The following EIF4G3 variants were observed in gnomAD, a reference collection of about 807,000 sequenced individuals.
The protein encoded by EIF4G3 is eukaryotic translation initiation factor 4 gamma 3, also known as eIF-4-gamma 3.
Under a neutral mutation model 186.4 loss-of-function variants are expected in EIF4G3, and 34 were observed. That is an observed-to-expected ratio of 0.18 (90% CI 0.14 to 0.24). The LOEUF (loss-of-function observed/expected upper bound fraction) is 0.24. EIF4G3 is among the 10% of genes least tolerant of loss of function. The probability of loss-of-function intolerance (pLI) is 1.00; values close to 1 mark genes in which losing one functional copy is unlikely to be tolerated. For missense variants in EIF4G3, 1,536 were observed against 1,948.5 expected, an observed-to-expected ratio of 0.79 and a Z score of 3.99; for synonymous variants, 673 against 679.5, an observed-to-expected ratio of 0.99 and a Z score of 0.15.
At position 20,851,353 on chromosome 1, in the gene EIF4G3, C is replaced by T. The variant is rs541460610; in HGVS notation, c.3677G>A (p.Arg1226Gln). Residue 1226 changes from arginine (R) to glutamine (Q), a missense_variant, in exon 28 of 37, where the codon CGG becomes CAG. By Grantham distance (43) the Arg-to-Gln change is conservative. Around this residue, in one of 11 missense-constraint regions of EIF4G3, gnomAD observed 395 missense variants for 498.9 expected, o/e 0.79. Coordinates refer to ENST00000602326, the MANE Select transcript of EIF4G3 (RefSeq NM_001391906.1). ...CTTCACGGTCTCCAGCATCTCTCTC[C>T]GCTGCTCTTCTTGAGACTGATTGTC... ...LLDNQSQEEQ[R>Q]REMLETVKQL... 1.7e-5 allele frequency: 27 copies of T among 1,614,124 alleles called. No individual in the cohort carries two copies. The highest frequency in any genetic ancestry group is 6.7e-5 in the African/African-American group (5 of 75,012).
intron 4 of EIF4G3, among the ~76,000 whole-genome samples, chr1:21,037,142 G>A (rs1189324012): frequency 1.3e-5 from 2 of 151,910 alleles, no homozygotes; most frequent in Non-Finnish European, 2.9e-5. Flanking sequence ...AGGTCTCTAA[G>A]GGTGGCTTAG....
In EIF4G3 at chr1:20,933,453, G is replaced by A. The variant is rs1055251272; in HGVS notation, c.1663+8038C>T. ...GGGTGGATCACAAGGTCAGGAGTTT[G>A]AGATCAGCCTGACAAACATGGTGAA... On this transcript the variant is annotated intron_variant, in intron 14 of 36. Transcript: ENST00000602326. 4.6e-5 allele frequency among the ~76,000 whole-genome samples: 7 copies of A among 152,104 alleles called. No individual in the cohort carries two copies. The East Asian group carries it at 1.2e-3, about 25-fold the overall frequency.
chr1:20,864,417 AGT>A (rs1423294772), intron 22 of EIF4G3, 57 bp downstream of exon 22: 9 of 1,234,038 alleles, frequency 7.3e-6, no homozygotes, highest in Non-Finnish European at 1.1e-5. Context: ...TGACAGTCTA[AGT>A]TCTTTTGCAA....
At chr1:21,028,705 C>T (rs1571303757) in intron 4 of EIF4G3, among the ~76,000 whole-genome samples, 1 of 152,210 alleles carries the variant, frequency 6.6e-6, no homozygotes, top group Non-Finnish European at 1.5e-5. Context: ...ACTCATGATA[C>T]ATAACTTCAC....
At chr1:20,830,686 T>G (rs892351676) in intron 30 of EIF4G3, among the ~76,000 whole-genome samples, 1 of 152,164 alleles carries the variant, frequency 6.6e-6, no homozygotes, top group Non-Finnish European at 1.5e-5. Context: ...ATATTTTATC[T>G]CATTACAAAT....
intron 4 of EIF4G3, among the ~76,000 whole-genome samples, chr1:21,007,846 T>C (rs866113882): frequency 1.2e-4 from 19 of 152,208 alleles, no homozygotes; most frequent in African/African-American, 4.6e-4. Context: ...GAGACGGTTA[T>C]AAAGAGTGTA....
At chr1:20,947,032 A>C (rs1421735998) in intron 13 of EIF4G3, among the ~76,000 whole-genome samples, 1 of 152,186 alleles carries the variant, frequency 6.6e-6, no homozygotes, top group Admixed American at 6.5e-5. Flanking sequence ...TTTCAAAAGG[A>C]ATCTACAGTG....
At chr1:20,959,673 T>C (rs1002874930) in intron 12 of EIF4G3, among the ~76,000 whole-genome samples, 31 of 138,550 alleles carry the variant, frequency 2.2e-4, no homozygotes, top group Admixed American at 1.5e-3. Context: ...ATAATAATAA[T>C]AATAATAATA....
chr1:20,998,607 A>G (rs1376523941), intron 6 of EIF4G3, among the ~76,000 whole-genome samples: 1 of 152,176 alleles, frequency 6.6e-6, no homozygotes, highest in African/African-American at 2.4e-5. Flanking sequence ...GGATCAAACA[A>G]TTCACCAGGC....
At chr1:20,822,020 G>T (rs560149068) in intron 33 of EIF4G3, among the ~76,000 whole-genome samples, 1 of 152,108 alleles carries the variant, frequency 6.6e-6, no homozygotes, top group South Asian at 2.1e-4. Flanking sequence ...TGGGATTACA[G>T]GCGTGTGCTA....
chr1:20,865,152 A>G lies in EIF4G3; in HGVS notation c.2733T>C (p.Phe911=). Residue 911 remains phenylalanine, a synonymous_variant, in exon 21 of 37, where the codon TTT becomes TTC. Coordinates refer to ENST00000602326, the MANE Select transcript of EIF4G3 (RefSeq NM_001391906.1). Reference sequence around the variant, plus strand: ...CCTCAAGTTCTTTCTGCTTCTTCTCAAAGACATCATCATCTGCTTTATCTT... The same window carrying G: ...CCTCAAGTTCTTTCTGCTTCTTCTCGAAGACATCATCATCTGCTTTATCTT... The part of the protein sequence containing the change: ...FEKDKADDDV[F]EKKQKELEAA... 6.2e-7 allele frequency: 1 copy of G among 1,614,102 alleles called. No individual in the cohort carries two copies. Among genetic ancestry groups the G allele is most frequent in the Non-Finnish European group, 8.5e-7 (1 of 1,179,998 alleles).
At chr1:20,981,491 T>C (rs1000352885) in intron 8 of EIF4G3, among the ~76,000 whole-genome samples, 1 of 137,298 alleles carries the variant, frequency 7.3e-6, no homozygotes, top group African/African-American at 2.7e-5. Flanking sequence ...TATGCATACA[T>C]ACATGTATAC....
intron 2 of EIF4G3, among the ~76,000 whole-genome samples, chr1:21,117,763 T>TAAAAAAAAAAAAAAAAAAAAAAAAA (rs757506833): frequency 2.1e-3 from 224 of 107,462 alleles, no homozygotes; most frequent in East Asian, 7.7e-3. Flanking sequence ...AAAAAAAAAT[T>TAAAAAAAAAAAAAAAAAAAAAAAAA]AAAAGCAGAA....
At chr1:20,843,018 A>T (rs554439639) in intron 29 of EIF4G3, among the ~76,000 whole-genome samples, 4 of 151,800 alleles carry the variant, frequency 2.6e-5, no homozygotes, top group Admixed American at 6.6e-5. Flanking sequence ...AATTTAAAAA[A>T]ATTTTTTTGT....
chr1:20,962,993 C>T (rs1453439171), intron 12 of EIF4G3, among the ~76,000 whole-genome samples: 5 of 151,232 alleles, frequency 3.3e-5, no homozygotes, highest in African/African-American at 9.7e-5. Context: ...CTGAAGCAAC[C>T]CTTCCACCTC....
chr1:20,837,687 G>T (rs1267872391), intron 30 of EIF4G3, among the ~76,000 whole-genome samples: 3 of 152,130 alleles, frequency 2.0e-5, no homozygotes, highest in South Asian at 2.1e-4. Context: ...GAATAAAGAA[G>T]CAAAAGACAG....
intron 2 of EIF4G3, among the ~76,000 whole-genome samples, chr1:21,166,296 G>A (rs763658610): frequency 1.3e-5 from 2 of 151,664 alleles, no homozygotes; most frequent in African/African-American, 4.8e-5. Flanking sequence ...CAGGCATAGC[G>A]GAGTGTGTCT....
At chr1:20,835,230 GCTC>G (rs1230994444) in intron 30 of EIF4G3, among the ~76,000 whole-genome samples, 1 of 152,100 alleles carries the variant, frequency 6.6e-6, no homozygotes, top group Non-Finnish European at 1.5e-5. Context: ...CAGCAAAAGT[GCTC>G]CTAAGAGGGA....
intron 2 of EIF4G3, among the ~76,000 whole-genome samples, chr1:21,124,289 G>GAAA (rs111737648): frequency 3.3e-4 from 49 of 146,800 alleles, no homozygotes; most frequent in Non-Finnish European, 3.3e-4. Flanking sequence ...CGGTCTCAAA[G>GAAA]AAAAAAAAAA....
Sources: gnomAD v4.1 joint callset for allele counts (sites outside exome capture counted in the v4.1 genomes callset) on GRCh38, gnomAD v4.1.1 for gene constraint, gnomAD v4.1.1 regional missense constraint, MANE v1.5 for transcripts, NCBI Gene and HGNC (gene_info 2026-07-23, HGNC 2026-07-21) for gene names.